VAT1L: variants seen among roughly 807,000 people sequenced by gnomAD.
The protein encoded by VAT1L is putative NADPH-dependent quinone oxidoreductase VAT1L.
In VAT1L, 34 loss-of-function variants were observed where a neutral mutation model predicts 44.1. The ratio of observed to expected loss-of-function variants is 0.77; its 90% CI spans 0.59 to 1.03. The LOEUF (loss-of-function observed/expected upper bound fraction) is 1.03, where lower values mean the gene tolerates loss of function less well. Among genes scored for constraint, VAT1L ranks in the 50% least tolerant of loss-of-function variants. The pLI, the probability that VAT1L is intolerant of heterozygous loss-of-function variation, is 0.00. For missense variants in VAT1L, 615 were observed against 538.8 expected (o/e 1.14, Z -1.40); for synonymous variants, 253 against 202.2 (o/e 1.25, Z -2.13).
At chr16:77,878,303 A>G (rs756063192) in intron 5 of VAT1L, among the ~76,000 whole-genome samples, 2 of 152,228 alleles carry the variant, frequency 1.3e-5, no homozygotes, top group Non-Finnish European at 2.9e-5. Context: ...TAGTTTACCC[A>G]GGCTAAATAG....
At chr16:77,792,189 CGTT>C (rs903896878) in intron 1 of VAT1L, among the ~76,000 whole-genome samples, 5 of 152,130 alleles carry the variant, frequency 3.3e-5, no homozygotes, top group South Asian at 2.1e-4. Flanking sequence ...TTGTGACTGT[CGTT>C]GTTGCCATAT....
At chr16:77,964,730 C>T (rs1433153553) in intron 7 of VAT1L, among the ~76,000 whole-genome samples, 1 of 150,610 alleles carries the variant, frequency 6.6e-6, no homozygotes, top group African/African-American at 2.4e-5. Flanking sequence ...CCCCCAACCC[C>T]TCACCATCTA....
intron 4 of VAT1L, among the ~76,000 whole-genome samples, chr16:77,868,687 A>G (rs1329466801): frequency 1.3e-5 from 2 of 152,182 alleles, no homozygotes; most frequent in Non-Finnish European, 2.9e-5. Context: ...CTCCTCAGCC[A>G]GGGAGGAAGC....
At chr16:77,799,501 C>T (rs1451430135) in intron 1 of VAT1L, among the ~76,000 whole-genome samples, 2 of 137,472 alleles carry the variant, frequency 1.5e-5, no homozygotes, top group Non-Finnish European at 3.1e-5. Context: ...CACTGGAATA[C>T]ATGGTGTGTG....
chr16:77,796,607 G>A (rs1482403337), intron 1 of VAT1L, among the ~76,000 whole-genome samples: 1 of 152,168 alleles, frequency 6.6e-6, no homozygotes, highest in Non-Finnish European at 1.5e-5. Flanking sequence ...TTGTTACAAA[G>A]ACTAGCTAAG....
intron 1 of VAT1L, among the ~76,000 whole-genome samples, chr16:77,804,160 A>C (rs1443064228): frequency 6.6e-6 from 1 of 152,190 alleles, no homozygotes. Flanking sequence ...GATGACATTA[A>C]ATGTTCTATG....
At chr16:77,868,898 A>C (rs1200541491) in intron 4 of VAT1L, among the ~76,000 whole-genome samples, 1 of 151,934 alleles carries the variant, frequency 6.6e-6, no homozygotes, top group Non-Finnish European at 1.5e-5. Context: ...CTGCCCTTCA[A>C]GTCATGAAAA....
intron 7 of VAT1L, among the ~76,000 whole-genome samples, chr16:77,948,252 T>C (rs1055068889): frequency 5.9e-5 from 9 of 152,240 alleles, no homozygotes; most frequent in African/African-American, 2.2e-4. Flanking sequence ...TGCTCATCTC[T>C]GCATGCTGCC....
chr16:77,867,944 G>C (rs531941393), intron 4 of VAT1L, among the ~76,000 whole-genome samples: 3 of 151,554 alleles, frequency 2.0e-5, no homozygotes, highest in Non-Finnish European at 4.4e-5. Context: ...TATTATTTCA[G>C]ACCTTTTGTT....
intron 7 of VAT1L, among the ~76,000 whole-genome samples, chr16:77,942,829 C>T (rs1223869898): frequency 6.6e-6 from 1 of 152,072 alleles, no homozygotes; most frequent in Non-Finnish European, 1.5e-5. Context: ...ACTGCAAACT[C>T]CGCCTCCCGG....
chr16:77,974,706 G>A (rs914049286), intron 8 of VAT1L, among the ~76,000 whole-genome samples: 1 of 152,064 alleles, frequency 6.6e-6, no homozygotes, highest in Non-Finnish European at 1.5e-5. Flanking sequence ...GGAATTACAG[G>A]CACATGCCAC....
At chr16:77,949,493 C>T (rs1008500309) in intron 7 of VAT1L, among the ~76,000 whole-genome samples, 1 of 152,166 alleles carries the variant, frequency 6.6e-6, no homozygotes, top group African/African-American at 2.4e-5. Context: ...GAGGTGGGGA[C>T]TAATGAGAGG....
At chr16:77,883,430 A>C (rs2017175426) in intron 6 of VAT1L, among the ~76,000 whole-genome samples, 2 of 152,202 alleles carry the variant, frequency 1.3e-5, no homozygotes, top group African/African-American at 4.8e-5. Flanking sequence ...CACATTAAAT[A>C]GTTTGTAGGT....
At chr16:77,866,981 C>T (rs1318218019) in intron 4 of VAT1L, among the ~76,000 whole-genome samples, 1 of 152,168 alleles carries the variant, frequency 6.6e-6, no homozygotes, top group Non-Finnish European at 1.5e-5. Flanking sequence ...GTGAGAGAAT[C>T]CACACAAGGG....
intron 7 of VAT1L, among the ~76,000 whole-genome samples, chr16:77,952,444 C>G (rs1487976739): frequency 6.6e-6 from 1 of 152,052 alleles, no homozygotes; most frequent in Non-Finnish European, 1.5e-5. Flanking sequence ...GGGGCCCCTC[C>G]TCCCTGTGAC....
At chr16:77,927,308 A>C (rs2017680530) in intron 7 of VAT1L, among the ~76,000 whole-genome samples, 1 of 149,628 alleles carries the variant, frequency 6.7e-6, no homozygotes, top group African/African-American at 2.4e-5. Flanking sequence ...ACTACACTCC[A>C]GCCTGGGTGA....
At chr16:77,969,215 T>G (rs2018254234) in intron 7 of VAT1L, among the ~76,000 whole-genome samples, 1 of 152,256 alleles carries the variant, frequency 6.6e-6, no homozygotes, top group Admixed American at 6.5e-5. Flanking sequence ...GTCTGTTTAG[T>G]AAACATTATC....
chr16:77,911,136 T>A (rs945862497), intron 7 of VAT1L, among the ~76,000 whole-genome samples: 1 of 152,322 alleles, frequency 6.6e-6, no homozygotes, highest in African/African-American at 2.4e-5. Context: ...GTAAGACCAG[T>A]GTTCAAACCA....
intron 7 of VAT1L, among the ~76,000 whole-genome samples, chr16:77,931,156 G>A (rs987865432): frequency 6.6e-6 from 1 of 152,106 alleles, no homozygotes; most frequent in Non-Finnish European, 1.5e-5. Context: ...CTCCTCGATA[G>A]AATTATGACT....
Sources: allele counts gnomAD v4.1 joint callset (sites outside exome capture counted in the v4.1 genomes callset), GRCh38; gene constraint gnomAD v4.1.1; transcripts MANE v1.5; gene names NCBI Gene and HGNC (gene_info 2026-07-23, HGNC 2026-07-21).